Variants in ASNS observed in about 807,000 individuals in gnomAD.
ASNS encodes the protein asparagine synthetase [glutamine-hydrolyzing].
In ASNS, 37 loss-of-function variants were observed where a neutral mutation model predicts 62.6. That is an observed-to-expected ratio of 0.59 (90% CI 0.45 to 0.78). The LOEUF is 0.78. Ranked by LOEUF, ASNS falls within the 30% of genes least tolerant of loss-of-function variation. The pLI is 0.00. For synonymous variants in ASNS, 207 were observed against 237.9 expected (o/e 0.87, Z 1.19); for missense variants, 520 against 682.4 (o/e 0.76, Z 2.65).
At chr7:97,890,862 A>T in the ASNS span, among the ~76,000 whole-genome samples, 2 of 152,258 alleles carry the variant, frequency 1.3e-5, no homozygotes, top group Admixed American at 1.3e-4. Context: ...GGAGTCCTAC[A>T]TTGGGAAGCA....
At chr7:97,867,316 G>C (rs1584474948) in intron 3 of ASNS, among the ~76,000 whole-genome samples, 1 of 130,740 alleles carries the variant, frequency 7.6e-6, no homozygotes, top group African/African-American at 2.5e-5. Flanking sequence ...GTGTGGGGGG[G>C]ATTTCTGAAT....
At chr7:97,903,553 T>C in the ASNS span, among the ~76,000 whole-genome samples, 1 of 152,218 alleles carries the variant, frequency 6.6e-6, no homozygotes, top group Non-Finnish European at 1.5e-5. Flanking sequence ...GAGGTACCTA[T>C]TTGTTTAATT....
the ASNS span, among the ~76,000 whole-genome samples, chr7:97,882,543 TAA>T: frequency 8.2e-6 from 1 of 121,266 alleles, no homozygotes; most frequent in Admixed American, 8.4e-5. Context: ...AGAGATTAAA[TAA>T]ATAAATAAAT....
At chr7:97,912,100 C>T in the ASNS span, among the ~76,000 whole-genome samples, 35 of 152,266 alleles carry the variant, frequency 2.3e-4, no homozygotes, top group Middle Eastern at 6.8e-3. Context: ...GGACTCCTCC[C>T]GCAAGTTTAG....
At chr7:97,866,950 T>C (rs1269311061) in intron 3 of ASNS, among the ~76,000 whole-genome samples, 1 of 152,196 alleles carries the variant, frequency 6.6e-6, no homozygotes, top group East Asian at 1.9e-4. Context: ...TTCGGTGATA[T>C]TAGTAAGCAA....
At chr7:97,916,258 G>A in the ASNS span, among the ~76,000 whole-genome samples, 1 of 152,090 alleles carries the variant, frequency 6.6e-6, no homozygotes, top group African/African-American at 2.4e-5. Flanking sequence ...GTGGGTGCCT[G>A]TAGTCCCAGC....
intron 1 of ASNS, among the ~76,000 whole-genome samples, chr7:97,871,494 T>C (rs1454084008): frequency 9.3e-6 from 1 of 107,084 alleles, no homozygotes; most frequent in Non-Finnish European, 2.0e-5. Flanking sequence ...TGAATCATGA[T>C]TTAAAATTTA....
Position 97,854,817 on chromosome 7 carries a change from G to A in ASNS, c.1138-137C>T, listed in dbSNP as rs536807280. On this transcript the variant is annotated intron_variant, in intron 9 of 12. Transcript: ENST00000394308. ...GGAAGGGAGTAAATAACTGAACAGA[G>A]GTAAGCAATGCTTCACAAAACATGC... 20 of 1,479,460 alleles carry A rather than the reference G, an allele frequency of 1.4e-5. No individual in the cohort carries two copies. In the South Asian group the frequency reaches 2.5e-4, roughly 19 times the overall value. 91.6% of individuals were successfully genotyped at this position (1,479,460 alleles called of 1,614,324 possible).
At chr7:97,893,070 G>A in the ASNS span, among the ~76,000 whole-genome samples, 1 of 152,246 alleles carries the variant, frequency 6.6e-6, no homozygotes, top group Admixed American at 6.5e-5. Context: ...TACATTGCTG[G>A]GGAGGCTTCA....
chr7:97,927,717 C>T, the ASNS span, among the ~76,000 whole-genome samples: 2 of 152,272 alleles, frequency 1.3e-5, no homozygotes, highest in African/African-American at 2.4e-5. Flanking sequence ...TTTCCGTGAT[C>T]GGCCCTGGAA....
At chr7:97,865,988 G>A (rs1459149217) in intron 3 of ASNS, among the ~76,000 whole-genome samples, 2 of 152,154 alleles carry the variant, frequency 1.3e-5, no homozygotes, top group African/African-American at 2.4e-5. Flanking sequence ...AAATGCACAT[G>A]TAATGTCATG....
chr7:97,863,703 T>G (rs1294981598), intron 4 of ASNS: 1 of 152,500 alleles, frequency 6.6e-6, no homozygotes, highest in East Asian at 1.9e-4. Context: ...AAAACCTAGT[T>G]GATCCTGCCA....
At chr7:97,918,173 TA>T in the ASNS span, among the ~76,000 whole-genome samples, 1 of 151,410 alleles carries the variant, frequency 6.6e-6, no homozygotes, top group East Asian at 1.9e-4. Context: ...CTGGTGTGAG[TA>T]AAAGAAAGAG....
chr7:97,916,074 T>C, the ASNS span, among the ~76,000 whole-genome samples: 2 of 152,110 alleles, frequency 1.3e-5, no homozygotes, highest in South Asian at 2.1e-4. Flanking sequence ...GAAGTCATGA[T>C]AAGTATCCAG....
the ASNS span, among the ~76,000 whole-genome samples, chr7:97,916,633 G>T: frequency 6.6e-6 from 1 of 152,136 alleles, no homozygotes; most frequent in Admixed American, 6.5e-5. Context: ...ATTTATTTGG[G>T]GTGGTTTAAT....
At chr7:97,898,705 A>G in the ASNS span, 1 of 656,026 alleles carries the variant, frequency 1.5e-6, no homozygotes, top group Non-Finnish European at 2.8e-6. Flanking sequence ...TAAAACCAAC[A>G]CAAAACAGAT....
the ASNS span, chr7:97,898,711 C>T: frequency 3.1e-6 from 2 of 653,864 alleles, no homozygotes; most frequent in Non-Finnish European, 5.6e-6. Flanking sequence ...CAACACAAAA[C>T]AGATGAAAGA....
rs373774032 is a variant in ASNS, at chr7:97,853,143, G to A, written c.1393C>T (p.Arg465Ter). The change falls in exon 12 of 13, where the codon CGA (arginine) becomes TGA (stop). Residue 465 changes from arginine (R) to a stop codon, truncating the protein, a stop_gained. Coordinates refer to ENST00000394308, the MANE Select transcript of ASNS (RefSeq NM_001673.5). LOFTEE classifies it high-confidence loss of function. ...SNLIPKEILW[R>*]PKEAFSDGIT... The stretch of plus-strand genomic sequence containing the variant: ...CCATCACTGAAGGCTTCTTTTGGTC[G>A]CCAGAGAATCTCTTTGGGTATCAGA... The A allele has an allele frequency of 1.1e-5, 17 of 1,610,944 alleles. No homozygotes were observed. The highest frequency in any genetic ancestry group is 8.0e-5 in the African/African-American group (6 of 74,708).
chr7:97,857,729 C>T (rs781259973), intron 7 of ASNS, among the ~76,000 whole-genome samples: 3 of 152,120 alleles, frequency 2.0e-5, no homozygotes, highest in Non-Finnish European at 4.4e-5. Context: ...GACCTCCCCC[C>T]ACAGCCTCCC....
Sources: allele counts gnomAD v4.1 joint callset (sites outside exome capture counted in the v4.1 genomes callset), GRCh38; gene constraint gnomAD v4.1.1; transcripts MANE v1.5; gene names NCBI Gene and HGNC (gene_info 2026-07-23, HGNC 2026-07-21).